Variants in ABCA8 observed in about 807,000 individuals in gnomAD.
ABCA8 encodes the protein ATP binding cassette subfamily A member 8.
In ABCA8, 177 loss-of-function variants were observed where a neutral mutation model predicts 192.3. That is an observed-to-expected ratio of 0.92 (90% CI 0.81 to 1.04). The LOEUF (loss-of-function observed/expected upper bound fraction) is 1.04. Among genes scored for constraint, ABCA8 ranks in the 50% least tolerant of loss-of-function variants. The pLI is 0.00. For synonymous variants in ABCA8, 642 were observed against 690.2 expected (o/e 0.93, Z 1.09); for missense variants, 1,915 against 1,904.8 (o/e 1.01, Z -0.10).
chr17:68,932,520 G>GA lies in ABCA8; in HGVS notation c.571-7dup. ...ACTGAGTGATTTGTTGTGATCTGAA[G>GA]AAAGGCATTAATAAGCAAAATTTGT... On this transcript the variant is annotated splice_region_variant and splice_polypyrimidine_tract_variant and intron_variant, in intron 6 of 39. Transcript: ENST00000586539. 6.2e-7 allele frequency: 1 copy of GA among 1,601,092 alleles called. No homozygotes were observed. Among genetic ancestry groups the GA allele is most frequent in the East Asian group, 2.2e-5 (1 of 44,576 alleles).
At chr17:68,868,253 T>G (rs777267593) in intron 39 of ABCA8, 48 bp downstream of exon 39, 1 of 1,607,738 alleles carries the variant, frequency 6.2e-7, no homozygotes, top group Non-Finnish European at 8.5e-7. Context: ...CAGGGAATGT[T>G]TTATACACAT....
chr17:68,949,165 T>A (rs2068499690), intron 2 of ABCA8, 147 bp downstream of exon 2: 1 of 152,142 alleles, frequency 6.6e-6, no homozygotes, highest in African/African-American at 2.4e-5. Flanking sequence ...TTGTTTGAAG[T>A]CAGTTAGCAT....
chr17:68,932,274 T>C lies in ABCA8; in HGVS notation c.797+14A>G. 6.3e-7 allele frequency: 1 copy of C among 1,577,864 alleles called. No homozygotes were observed. The highest frequency in any genetic ancestry group is 8.7e-7 in the Non-Finnish European group (1 of 1,153,046). On this transcript the variant is annotated intron_variant, in intron 7 of 39. Transcript: ENST00000586539. ...AGTTCCTCCGTTTATTTATTTGTGCTGCGTTTGACTCACCAGAACGCTGAA... is the reference window on the plus strand; with the variant it reads ...AGTTCCTCCGTTTATTTATTTGTGCCGCGTTTGACTCACCAGAACGCTGAA...
intron 4 of ABCA8, among the ~76,000 whole-genome samples, chr17:68,937,955 T>C (rs1360625372): frequency 1.3e-5 from 2 of 152,162 alleles, no homozygotes; most frequent in Non-Finnish European, 2.9e-5. Flanking sequence ...ATATACCATA[T>C]TGTAGCATTT....
intron 10 of ABCA8, among the ~76,000 whole-genome samples, chr17:68,927,151 G>A (rs2143668945): frequency 6.6e-6 from 1 of 152,248 alleles, no homozygotes; most frequent in Middle Eastern, 3.4e-3. Context: ...CCAGCTACTT[G>A]GGAGGCTGAG....
chr17:68,882,730 A>T lies in ABCA8; in HGVS notation c.3708-11T>A. On this transcript the variant is annotated splice_polypyrimidine_tract_variant and intron_variant, in intron 29 of 39. Transcript: ENST00000586539. ...CTTCTTGGAGAAATTCTAGAGTCAAAACCATCCATTAATATTGATTTCTGG... is the reference window on the plus strand; with the variant it reads ...CTTCTTGGAGAAATTCTAGAGTCAATACCATCCATTAATATTGATTTCTGG... 1 of 1,607,442 alleles carries T rather than the reference A, an allele frequency of 6.2e-7. No individual in the cohort carries two copies. The highest frequency in any genetic ancestry group is 1.3e-5 in the African/African-American group (1 of 74,704).
At chr17:68,868,398 C>A in intron 38 of ABCA8, 42 bp from the exon 39 acceptor site, 1 of 1,528,454 alleles carries the variant, frequency 6.5e-7, no homozygotes, top group Non-Finnish European at 9.0e-7. Context: ...TATTTCATAT[C>A]TAGAGGTCTC....
chr17:68,921,101 C>CA (rs1297986871), intron 13 of ABCA8, among the ~76,000 whole-genome samples: 1 of 150,700 alleles, frequency 6.6e-6, no homozygotes, highest in Admixed American at 6.6e-5. Context: ...ATTGCAAGGA[C>CA]AAAAAACCAA....
chr17:68,953,997 G>A (rs919692989), intron 1 of ABCA8, among the ~76,000 whole-genome samples: 4 of 151,784 alleles, frequency 2.6e-5, no homozygotes, highest in African/African-American at 7.3e-5. Flanking sequence ...AGCAGCTGCC[G>A]CCAATGCAAG....
At chr17:68,942,215 C>A (rs2068250695) in intron 2 of ABCA8, among the ~76,000 whole-genome samples, 176 bp from the exon 3 acceptor site, 1 of 152,192 alleles carries the variant, frequency 6.6e-6, no homozygotes, top group Non-Finnish European at 1.5e-5. Flanking sequence ...TCCGTCCCCA[C>A]TTGCAGACTC....
In ABCA8 at chr17:68,881,952, C is replaced by A. The variant is rs576031209; in HGVS notation, c.3857G>T (p.Arg1286Leu). The A allele has an allele frequency of 3.1e-6, 5 of 1,614,018 alleles. No homozygotes were observed. Among genetic ancestry groups the A allele is most frequent in the East Asian group, 2.2e-5 (1 of 44,882 alleles). ...TTTCCTCTTCCCTGCATACTCCTTG[C>A]GTAGACAGCTGGCAATGATGACTGG... Reference protein sequence around the residue: ...EKPVIIASCLRKEYAGKRKGC... With the variant: ...EKPVIIASCLLKEYAGKRKGC... Residue 1286 changes from arginine to leucine, a missense_variant, in exon 31 of 40, where the codon CGC becomes CTC. By Grantham distance (102) the Arg-to-Leu change is moderately radical. Coordinates refer to ENST00000586539, the MANE Select transcript of ABCA8 (RefSeq NM_001288985.2).
intron 32 of ABCA8, among the ~76,000 whole-genome samples, chr17:68,880,483 G>A (rs965851131): frequency 5.9e-5 from 9 of 152,172 alleles, no homozygotes; most frequent in Non-Finnish European, 1.3e-4. Flanking sequence ...TGCAGGCAAT[G>A]AGAAGCAGAG....
chr17:68,914,110 T>C (rs1407948533), intron 17 of ABCA8, among the ~76,000 whole-genome samples: 4 of 152,094 alleles, frequency 2.6e-5, no homozygotes, highest in African/African-American at 4.8e-5. Flanking sequence ...CATCTCTTCA[T>C]GATAAAACCC....
At chr17:68,948,874 G>A (rs1396326407) in intron 2 of ABCA8, among the ~76,000 whole-genome samples, 1 of 151,942 alleles carries the variant, frequency 6.6e-6, no homozygotes, top group East Asian at 1.9e-4. Context: ...TATGGTTTTG[G>A]GTTTTACATT....
intron 5 of ABCA8, among the ~76,000 whole-genome samples, chr17:68,935,660 G>A (rs1238153362): frequency 6.7e-6 from 1 of 150,256 alleles, no homozygotes; most frequent in Non-Finnish European, 1.5e-5. Context: ...ACATATGAGT[G>A]CAGGTATCTT....
chr17:68,954,624 C>T (rs1483901176), intron 1 of ABCA8, among the ~76,000 whole-genome samples: 3 of 152,086 alleles, frequency 2.0e-5, no homozygotes, highest in Admixed American at 6.6e-5. Context: ...TTTTAAATAA[C>T]ATTGTGGTAA....
At position 68,917,325 on chromosome 17, in the gene ABCA8, A is replaced by G. The variant is rs376082913; in HGVS notation, c.2138+36T>C. 9.9e-6 allele frequency: 13 copies of G among 1,318,556 alleles called. No individual in the cohort carries two copies. In the African/African-American group the frequency reaches 1.9e-4, roughly 19 times the overall value. 81.7% of individuals were successfully genotyped at this position (1,318,556 alleles called of 1,614,324 possible). On this transcript the variant is annotated intron_variant, in intron 17 of 39. Transcript: ENST00000586539. The stretch of plus-strand genomic sequence containing the variant: ...TTTTGCTTCAAGCATCAAGCCTTAC[A>G]CTAGATCTACTCCCAGCCTTCTTAA...
At position 68,902,863 on chromosome 17, in the gene ABCA8, C is replaced by G; in HGVS notation, c.2614G>C (p.Ala872Pro). Reference sequence around the variant, plus strand: ...TCCACAAGAAGAGGGCAAAATCCAGCCATTAGAATTAATAGCCTACACAAA... The same window carrying G: ...TCCACAAGAAGAGGGCAAAATCCAGGCATTAGAATTAATAGCCTACACAAA... ...ALLALLLILM[A>P]GFCPLLVEYT... Residue 872 changes from alanine (A) to proline (P), a missense_variant, in exon 21 of 40, where the codon GCT (alanine) becomes CCT (proline). Physicochemically the swap from Ala to Pro is conservative, Grantham distance 27. Coordinates refer to ENST00000586539, the MANE Select transcript of ABCA8 (RefSeq NM_001288985.2). 6.2e-7 allele frequency: 1 copy of G among 1,611,622 alleles called. No homozygotes were observed. The highest frequency in any genetic ancestry group is 8.5e-7 in the Non-Finnish European group (1 of 1,179,028).
In ABCA8 at chr17:68,887,102, G is replaced by GA; in HGVS notation, c.3343dup (p.Ser1115PhefsTer20). On this transcript the variant is annotated frameshift_variant, in exon 26 of 40. Transcript: ENST00000586539. LOFTEE classifies it high-confidence loss of function. ...AATCACGTATGTCATGAAGATGAGGGAAAAGGAATAACCAACAGCACATGG... is the reference window on the plus strand; with the variant it reads ...AATCACGTATGTCATGAAGATGAGGGAAAAAGGAATAACCAACAGCACATGG... 1 of 1,611,240 alleles carries GA rather than the reference G, an allele frequency of 6.2e-7. No individual in the cohort carries two copies. The highest frequency in any genetic ancestry group is 8.5e-7 in the Non-Finnish European group (1 of 1,178,708).
Sources: allele counts gnomAD v4.1 joint callset (sites outside exome capture counted in the v4.1 genomes callset), GRCh38; gene constraint gnomAD v4.1.1; transcripts MANE v1.5; gene names NCBI Gene and HGNC (gene_info 2026-07-23, HGNC 2026-07-21).